The following SLC15A1 variants were observed in gnomAD, a reference collection of about 807,000 sequenced individuals.
SLC15A1 encodes Caco-2 oligopeptide transporter.
Under a neutral mutation model 92.9 loss-of-function variants are expected in SLC15A1, and 83 were observed. The observed-to-expected ratio is 0.89, with a 90% CI of 0.75 to 1.07. The LOEUF (loss-of-function observed/expected upper bound fraction) is 1.07. Among genes scored for constraint, SLC15A1 ranks in the 50% least tolerant of loss-of-function variants. The pLI, the probability that SLC15A1 is intolerant of heterozygous loss-of-function variation, is 0.00. For missense variants in SLC15A1, 857 were observed against 880.1 expected, an observed-to-expected ratio of 0.97 and a Z score of 0.33; for synonymous variants, 322 against 318.2, an observed-to-expected ratio of 1.01 and a Z score of -0.13.
At position 98,694,293 on chromosome 13, in the gene SLC15A1, T is replaced by C. The variant is rs145397373; in HGVS notation, c.1467-5716A>G. 4.5e-4 allele frequency among the ~76,000 whole-genome samples: 68 copies of C among 152,286 alleles called. No homozygotes were observed. The East Asian group carries it at 6.2e-3, about 14-fold the overall frequency. On this transcript the variant is annotated intron_variant, in intron 18 of 22. Coordinates refer to ENST00000376503, the MANE Select transcript of SLC15A1 (RefSeq NM_005073.4). Reference sequence around the variant, plus strand: ...TGCATAGCTGTTTTCAAATCTTACATTGAGATTTTTAGAAATGAACAAAGT... The same window carrying C: ...TGCATAGCTGTTTTCAAATCTTACACTGAGATTTTTAGAAATGAACAAAGT...
intron 9 of SLC15A1, among the ~76,000 whole-genome samples, chr13:98,713,297 G>A (rs2088182089): frequency 6.6e-6 from 1 of 151,942 alleles, no homozygotes; most frequent in Non-Finnish European, 1.5e-5. Context: ...CCTGAGCTCA[G>A]GCGATCCACT....
chr13:98,698,371 G>GGAGGTGA (rs1566444938), intron 18 of SLC15A1, among the ~76,000 whole-genome samples: 1 of 152,308 alleles, frequency 6.6e-6, no homozygotes, highest in Non-Finnish European at 1.5e-5. Context: ...GAAGCAAACA[G>GGAGGTGA]GAGGTGAGAT....
At chr13:98,703,180 G>A (rs1444897781) in intron 17 of SLC15A1, among the ~76,000 whole-genome samples, 1 of 141,740 alleles carries the variant, frequency 7.1e-6, no homozygotes, top group Non-Finnish European at 1.5e-5. Flanking sequence ...AAGGAAGGAA[G>A]GGAGGGAGGG....
At position 98,726,224 on chromosome 13, in the gene SLC15A1, A is replaced by G; in HGVS notation, c.144T>C (p.Asp48=). The part of the protein sequence containing the change: ...ILYFTNFISW[D]DNLSTAIYHT... The stretch of plus-strand genomic sequence containing the variant: ...GGTAGATGGCGGTGGACAGGTTATC[A>G]TCCCAGCTGATGAAATTTGTGAAGT... The change falls in exon 4 of 23, where the codon GAT becomes GAC. Residue 48 remains aspartate, a synonymous_variant. Transcript: ENST00000376503. 1 of 1,614,128 alleles carries G rather than the reference A, an allele frequency of 6.2e-7. No homozygotes were observed. The highest frequency in any genetic ancestry group is 1.3e-5 in the African/African-American group (1 of 75,022).
intron 5 of SLC15A1, among the ~76,000 whole-genome samples, chr13:98,723,255 C>A (rs1232216764): frequency 6.6e-6 from 1 of 152,180 alleles, no homozygotes; most frequent in Non-Finnish European, 1.5e-5. Context: ...GTCTGATCAA[C>A]TGATAAGCCA....
At chr13:98,685,158 G>C (rs1475860845) in intron 22 of SLC15A1, among the ~76,000 whole-genome samples, 1 of 152,204 alleles carries the variant, frequency 6.6e-6, no homozygotes, top group Non-Finnish European at 1.5e-5. Flanking sequence ...AGAAACAACA[G>C]ACTTTGGGAA....
intron 1 of SLC15A1, among the ~76,000 whole-genome samples, chr13:98,734,592 A>G (rs1270735726): frequency 6.6e-6 from 1 of 152,210 alleles, no homozygotes; most frequent in Non-Finnish European, 1.5e-5. Context: ...CACTTTTCCA[A>G]CGGTCTTAGC....
chr13:98,698,380 A>G (rs907482138), intron 18 of SLC15A1, among the ~76,000 whole-genome samples: 23 of 152,214 alleles, frequency 1.5e-4, no homozygotes, highest in Non-Finnish European at 4.4e-5. Flanking sequence ...AGGAGGTGAG[A>G]TGAAAAGTAA....
chr13:98,719,438 A>G, intron 7 of SLC15A1, 118 bp from the exon 8 acceptor site: 3 of 644,416 alleles, frequency 4.7e-6, no homozygotes, highest in Admixed American at 2.9e-5. Flanking sequence ...TTCTAGACAT[A>G]TCCATTTGCC....
At chr13:98,727,847 G>T (rs1676208725) in intron 1 of SLC15A1, among the ~76,000 whole-genome samples, 1 of 152,038 alleles carries the variant, frequency 6.6e-6, no homozygotes, top group Non-Finnish European at 1.5e-5. Flanking sequence ...AGAGTTCTTT[G>T]TTGCCAGGGC....
intron 1 of SLC15A1, among the ~76,000 whole-genome samples, chr13:98,729,093 A>C (rs940022119): frequency 2.6e-5 from 4 of 151,178 alleles, no homozygotes; most frequent in African/African-American, 9.7e-5. Flanking sequence ...GTTTGAGGTG[A>C]CGGATATTCC....
At chr13:98,697,132 T>C (rs1223358110) in intron 18 of SLC15A1, among the ~76,000 whole-genome samples, 1 of 152,216 alleles carries the variant, frequency 6.6e-6, no homozygotes, top group Admixed American at 6.5e-5. Flanking sequence ...CTTGGCTCAC[T>C]GCAACCTCTG....
At chr13:98,689,232 G>T (rs578182312) in intron 18 of SLC15A1, among the ~76,000 whole-genome samples, 8 of 152,078 alleles carry the variant, frequency 5.3e-5, no homozygotes, top group Non-Finnish European at 1.0e-4. Context: ...GAGCCACTGC[G>T]CCTGGCCAGA....
In SLC15A1 at chr13:98,723,916, G is replaced by A. The variant is rs1202185297; in HGVS notation, c.361C>T (p.His121Tyr). Residue 121 changes from histidine to tyrosine, a missense_variant, in exon 5 of 23, where the codon CAC becomes TAC. By Grantham distance (83) the His-to-Tyr change is moderately conservative. Transcript: ENST00000376503. ...CAGCAGTGAGCACCAACTCACACGT[G>A]CACAGGAAGGCTGTCGGGGGTGCCA... The part of the protein sequence containing the change: ...HDGTPDSLPV[H>Y]VVLSLIGLAL... 6.2e-6 allele frequency: 10 copies of A among 1,614,042 alleles called. No individual in the cohort carries two copies. In the Admixed American group the frequency reaches 1.0e-4, roughly 16 times the overall value.
At chr13:98,686,949 C>CTTT (rs11309992) in intron 21 of SLC15A1, among the ~76,000 whole-genome samples, 11 of 131,308 alleles carry the variant, frequency 8.4e-5, no homozygotes, top group East Asian at 2.2e-4. Context: ...TCTTTTTCTT[C>CTTT]TTTTTTTTTT....
chr13:98,732,268 G>A (rs1197553960), intron 1 of SLC15A1, among the ~76,000 whole-genome samples: 3 of 152,162 alleles, frequency 2.0e-5, no homozygotes, highest in African/African-American at 7.2e-5. Context: ...GTTGAACTAT[G>A]ATCAGAGCCA....
chr13:98,702,919 G>A (rs368968168), intron 17 of SLC15A1, among the ~76,000 whole-genome samples: 4 of 139,906 alleles, frequency 2.9e-5, no homozygotes, highest in East Asian at 2.3e-4. Context: ...AGTGAGCTGT[G>A]ACCATGCCAC....
chr13:98,707,028 A>G (rs940868684), intron 15 of SLC15A1, among the ~76,000 whole-genome samples: 2 of 152,202 alleles, frequency 1.3e-5, no homozygotes, highest in African/African-American at 4.8e-5. Context: ...CAGTGTACAC[A>G]TCTCACAAAT....
chr13:98,736,287 T>C (rs1329202060), intron 1 of SLC15A1, among the ~76,000 whole-genome samples: 3 of 152,222 alleles, frequency 2.0e-5, no homozygotes, highest in Non-Finnish European at 4.4e-5. Flanking sequence ...TGGCTAGCCA[T>C]ATGTAGAAAG....
Sources: gnomAD v4.1 joint callset for allele counts (sites outside exome capture counted in the v4.1 genomes callset) on GRCh38, gnomAD v4.1.1 for gene constraint, MANE v1.5 for transcripts, NCBI Gene and HGNC (gene_info 2026-07-23, HGNC 2026-07-21) for gene names.